Variants in TES observed in about 807,000 individuals in gnomAD.
The protein encoded by TES is testin.
A neutral mutation model predicts 48.2 loss-of-function variants in TES; 41 were observed. The ratio of observed to expected loss-of-function variants is 0.85; its 90% CI spans 0.66 to 1.10. The LOEUF (loss-of-function observed/expected upper bound fraction) is 1.10, where lower values mean the gene tolerates loss of function less well. TES is among the 50% of genes least tolerant of loss of function. The probability of loss-of-function intolerance (pLI) is 0.00; values close to 1 mark genes in which losing one functional copy is unlikely to be tolerated. For missense variants in TES, 463 were observed against 515.1 expected, an observed-to-expected ratio of 0.90 and a Z score of 0.98; for synonymous variants, 162 against 174.9, an observed-to-expected ratio of 0.93 and a Z score of 0.58.
At chr7:116,243,226 T>C (rs1799872621) in intron 2 of TES, among the ~76,000 whole-genome samples, 1 of 152,246 alleles carries the variant, frequency 6.6e-6, no homozygotes, top group African/African-American at 2.4e-5. Flanking sequence ...TTGTATCTAA[T>C]GTTAATCCAT....
In TES at chr7:116,251,336, TTA is replaced by T. The variant is rs1800004924; in HGVS notation, c.703-422_703-421del. On this transcript the variant is annotated intron_variant, in intron 4 of 6. Coordinates refer to ENST00000358204, the MANE Select transcript of TES (RefSeq NM_015641.4). ...GACAAATTTGTAATTTCAGTAGAAA[TTA>T]TGTCTCTTCAAAGTTGTTTCTCTGA... Among the ~76,000 whole-genome samples the T allele has an allele frequency of 2.6e-5, 4 of 152,292 alleles. No homozygotes were observed. In the South Asian group the frequency reaches 6.2e-4, roughly 24 times the overall value.
intron 6 of TES, among the ~76,000 whole-genome samples, chr7:116,256,660 CT>C (rs1243908531): frequency 6.6e-6 from 1 of 152,034 alleles, no homozygotes; most frequent in Non-Finnish European, 1.5e-5. Context: ...ATAACACATA[CT>C]GAATGGTACA....
intron 2 of TES, among the ~76,000 whole-genome samples, chr7:116,245,819 A>T (rs545955960): frequency 1.6e-4 from 24 of 152,318 alleles, no homozygotes; most frequent in Admixed American, 1.2e-3. Context: ...AGCATGGCTG[A>T]GGAGGCCTCA....
At chr7:116,229,903 G>T (rs1799675521) in intron 1 of TES, among the ~76,000 whole-genome samples, 1 of 152,112 alleles carries the variant, frequency 6.6e-6, no homozygotes. Flanking sequence ...CTAACAGAGG[G>T]TTGATAAAGA....
At chr7:116,219,703 G>A (rs2116574976) in intron 1 of TES, among the ~76,000 whole-genome samples, 1 of 152,234 alleles carries the variant, frequency 6.6e-6, no homozygotes, top group East Asian at 1.9e-4. Flanking sequence ...ACTATTACGT[G>A]GGAATGAAGG....
At chr7:116,242,668 C>CA (rs1799865893) in intron 2 of TES, among the ~76,000 whole-genome samples, 1 of 152,082 alleles carries the variant, frequency 6.6e-6, no homozygotes, top group African/African-American at 2.4e-5. Context: ...CAATGAGATA[C>CA]ATTTGGGTTT....
At chr7:116,242,353 G>A (rs1434488199) in intron 2 of TES, among the ~76,000 whole-genome samples, 1 of 152,130 alleles carries the variant, frequency 6.6e-6, no homozygotes, top group Non-Finnish European at 1.5e-5. Flanking sequence ...AGGATAACTT[G>A]CTGCTTTCCA....
In TES at chr7:116,251,960, T is replaced by C. The variant is rs567739521; in HGVS notation, c.903T>C (p.Cys301=). ...ACTGTGACAGCGAGAAACCCCGATG[T>C]GCTGGCTGTGACGAGGTATGTTCTA... is the stretch of plus-strand genomic sequence containing the variant. The part of the protein sequence containing the change: ...RHYCDSEKPR[C]AGCDELIFSN... The change falls in exon 5 of 7, where the codon TGT becomes TGC. Residue 301 remains cysteine, a synonymous_variant. Coordinates refer to ENST00000358204, the MANE Select transcript of TES (RefSeq NM_015641.4). 9.9e-6 allele frequency: 16 copies of C among 1,614,178 alleles called. No homozygotes were observed. In the African/African-American group the frequency reaches 2.0e-4, roughly 20 times the overall value.
chr7:116,225,746 G>A (rs1287036403), intron 1 of TES, among the ~76,000 whole-genome samples: 1 of 152,158 alleles, frequency 6.6e-6, no homozygotes, highest in Non-Finnish European at 1.5e-5. Context: ...GACAACTAAA[G>A]ACCCTTAACT....
At chr7:116,236,277 A>G (rs1027753757) in intron 2 of TES, among the ~76,000 whole-genome samples, 1 of 152,136 alleles carries the variant, frequency 6.6e-6, no homozygotes, top group African/African-American at 2.4e-5. Context: ...AAAATCCAAA[A>G]TGCTCCAAAA....
chr7:116,242,657 G>T (rs967622939), intron 2 of TES, among the ~76,000 whole-genome samples: 1 of 151,932 alleles, frequency 6.6e-6, no homozygotes, highest in Non-Finnish European at 1.5e-5. Context: ...GTATTATTTG[G>T]CAATGAGATA....
intron 1 of TES, among the ~76,000 whole-genome samples, chr7:116,219,102 T>A (rs200437951): frequency 6.6e-6 from 1 of 152,026 alleles, no homozygotes; most frequent in East Asian, 1.9e-4. Context: ...TAACTTTAAT[T>A]GTGTGGGTTG....
intron 6 of TES, chr7:116,255,174 A>G (rs768786191): frequency 5.3e-5 from 8 of 152,218 alleles, no homozygotes; most frequent in Non-Finnish European, 1.0e-4. Context: ...CACATCCGTC[A>G]GATTCATAGG....
At chr7:116,211,561 C>G (rs1799439493) in intron 1 of TES, 1 of 152,270 alleles carries the variant, frequency 6.6e-6, no homozygotes, top group East Asian at 1.9e-4. Flanking sequence ...ATGCTGATGT[C>G]ACATTCGAGT....
At position 116,220,440 on chromosome 7, in the gene TES, A is replaced by T. The variant is rs191435832; in HGVS notation, c.27+9706A>T. ...AGCGCAGACTTTGACTTTTCCAGAC[A>T]TAGATTTGGATCCCACCTTTGATAT... On this transcript the variant is annotated intron_variant, in intron 1 of 6. Transcript: ENST00000358204. Among the ~76,000 whole-genome samples the T allele has an allele frequency of 1.4e-4, 22 of 152,314 alleles. 1 individual carries two copies. The highest frequency in any genetic ancestry group is 5.1e-4 in the African/African-American group (21 of 41,574).
At chr7:116,222,424 G>A (rs1799567985) in intron 1 of TES, among the ~76,000 whole-genome samples, 1 of 152,074 alleles carries the variant, frequency 6.6e-6, no homozygotes, top group South Asian at 2.1e-4. Context: ...TCATTCTCCA[G>A]TCTGTGAAAA....
chr7:116,210,643 G>A lies in TES; in HGVS notation c.-65G>A. On this transcript the variant is annotated 5_prime_UTR_variant, in exon 1 of 7. Transcript: ENST00000358204. Reference sequence around the variant, plus strand: ...TTCCCGTGTTCGCAGCGGAGCCGGAGGCCAGCTGAACCCGGCCGTGGGATC... The same window carrying A: ...TTCCCGTGTTCGCAGCGGAGCCGGAAGCCAGCTGAACCCGGCCGTGGGATC... The A allele has an allele frequency of 1.5e-6, 2 of 1,295,234 alleles. No individual in the cohort carries two copies. The highest frequency in any genetic ancestry group is 2.0e-6 in the Non-Finnish European group (2 of 1,010,012). The allele number at this position is 1,295,234 out of a possible 1,614,324, so 80.2% of individuals were successfully genotyped here.
chr7:116,215,554 A>C (rs1435476370), intron 1 of TES, among the ~76,000 whole-genome samples: 1 of 152,198 alleles, frequency 6.6e-6, no homozygotes, highest in East Asian at 1.9e-4. Flanking sequence ...GAAATAGCAT[A>C]AACTCCAATA....
At chr7:116,237,596 A>C (rs952557240) in intron 2 of TES, among the ~76,000 whole-genome samples, 2 of 152,322 alleles carry the variant, frequency 1.3e-5, no homozygotes, top group Middle Eastern at 3.4e-3. Context: ...ACTAGGAAAC[A>C]AAAAGTCTCA....
Sources: allele counts gnomAD v4.1 joint callset (sites outside exome capture counted in the v4.1 genomes callset), GRCh38; gene constraint gnomAD v4.1.1; transcripts MANE v1.5; gene names NCBI Gene and HGNC (gene_info 2026-07-23, HGNC 2026-07-21).